Variants in PTPRS observed in about 807,000 individuals in gnomAD.
PTPRS encodes protein tyrosine phosphatase receptor type S.
Under a neutral mutation model 215.3 loss-of-function variants are expected in PTPRS, and 63 were observed. That is an observed-to-expected ratio of 0.29 (90% CI 0.24 to 0.36). The LOEUF (loss-of-function observed/expected upper bound fraction) is 0.36. Among genes scored for constraint, PTPRS ranks in the 10% least tolerant of loss-of-function variants. PTPRS has a pLI of 1.00. For missense variants in PTPRS, 2,258 were observed against 2,825.8 expected, an observed-to-expected ratio of 0.80 and a Z score of 4.56; for synonymous variants, 1,404 against 1,191.4, an observed-to-expected ratio of 1.18 and a Z score of -3.68.
intron 37 of PTPRS, among the ~76,000 whole-genome samples, chr19:5,207,666 T>G (rs1254728624): frequency 2.0e-5 from 3 of 152,162 alleles, no homozygotes; most frequent in African/African-American, 4.8e-5. Flanking sequence ...GCCACAGACT[T>G]GCTGTGACTT....
At chr19:5,256,403 A>G (rs1599733068) in intron 8 of PTPRS, among the ~76,000 whole-genome samples, 1 of 152,146 alleles carries the variant, frequency 6.6e-6, no homozygotes, top group East Asian at 1.9e-4. Flanking sequence ...TCTAAGACCC[A>G]GGCAAAGATG....
chr19:5,305,206 C>T (rs2049440387), intron 1 of PTPRS, among the ~76,000 whole-genome samples: 1 of 152,166 alleles, frequency 6.6e-6, no homozygotes, highest in Non-Finnish European at 1.5e-5. Context: ...GCTATTATTC[C>T]AGGCTTTTCC....
intron 10 of PTPRS, among the ~76,000 whole-genome samples, chr19:5,245,504 G>C (rs1369451510): frequency 6.6e-6 from 1 of 151,890 alleles, no homozygotes; most frequent in African/African-American, 2.4e-5. Flanking sequence ...TGTTGCCCAG[G>C]CTGGTCTCAA....
At chr19:5,288,132 C>T (rs2048519004) in intron 1 of PTPRS, among the ~76,000 whole-genome samples, 1 of 152,108 alleles carries the variant, frequency 6.6e-6, no homozygotes, top group African/African-American at 2.4e-5. Context: ...GCAGGCAGTA[C>T]ACATACACAG....
intron 1 of PTPRS, among the ~76,000 whole-genome samples, chr19:5,314,063 G>C (rs1286268156): frequency 6.6e-6 from 1 of 152,160 alleles, no homozygotes. Context: ...CTTGAGCCCA[G>C]GAGGTCGAGG....
chr19:5,256,194 G>T, intron 8 of PTPRS, 75 bp from the exon 9 acceptor site: 1 of 1,215,378 alleles, frequency 8.2e-7, no homozygotes, highest in Non-Finnish European at 1.1e-6. Context: ...GAGATACAGA[G>T]AGTAAAAAGA....
At position 5,212,163 on chromosome 19, in the gene PTPRS, G is replaced by A. The variant is rs769638584; in HGVS notation, c.4857C>T (p.Gly1619=). The change falls in exon 32 of 38, where the codon GGC becomes GGT. Residue 1619 remains glycine (G), a synonymous_variant. Transcript: ENST00000262963. ...GCTGGGACCTCATGAGCGTCACGTG[G>A]CCATAGACATCGACTGTCTTCTCTG... ...IKPEKTVDVY[G]HVTLMRSQRN... is the part of the protein sequence containing the mutation. 1.1e-5 allele frequency: 18 copies of A among 1,613,948 alleles called. No homozygotes were observed. The South Asian group carries it at 2.0e-4, about 18-fold the overall frequency.
intron 1 of PTPRS, among the ~76,000 whole-genome samples, chr19:5,340,171 G>A (rs1257800381): frequency 1.3e-5 from 2 of 151,296 alleles, no homozygotes; most frequent in African/African-American, 4.8e-5. Context: ...TCCGCTCCGG[G>A]GCGCCCGCAT....
At position 5,206,060 on chromosome 19, in the gene PTPRS, TAAAAAAAAAAAA is replaced by T. The variant is rs545658474; in HGVS notation, c.*702_*713del. ...CACACTTTCTGATGGTAGGAAAAAT[TAAAAAAAAAAAA>T]AAAAAAAAAAAAGCCAAGGTACAGC... On this transcript the variant is annotated 3_prime_UTR_variant, in exon 38 of 38. Transcript: ENST00000262963. Among the ~76,000 whole-genome samples, 6 of 70,258 alleles carry T rather than the reference TAAAAAAAAAAAA, an allele frequency of 8.5e-5. No homozygotes were observed. The highest frequency in any genetic ancestry group is 4.7e-4 in the South Asian group (1 of 2,108). The allele number at this position is 70,258 out of a possible 152,430, so 46.1% of individuals were successfully genotyped here.
At position 5,286,064 on chromosome 19, in the gene PTPRS, C is replaced by T. The variant is rs1157643989; in HGVS notation, c.77G>A (p.Gly26Asp). 3 of 1,613,810 alleles carry T rather than the reference C, an allele frequency of 1.9e-6. No individual in the cohort carries two copies. The Admixed American group carries it at 5.0e-5, about 27-fold the overall frequency. The change falls in exon 2 of 38, where the codon GGC becomes GAC. Residue 26 changes from glycine (G) to aspartate (D), a missense_variant. Physicochemically the swap from Gly to Asp is moderately conservative, Grantham distance 94 (BLOSUM62 -1). Coordinates refer to ENST00000262963, the MANE Select transcript of PTPRS (RefSeq NM_002850.4). ...MGLLVVLLVG[G>D]CAAEEPPRFI... The stretch of plus-strand genomic sequence containing the variant: ...CGGCTTCTTACCTTCTGCTGCACAG[C>T]CTCCAACGAGCAGGACCACAAGGAG...
At chr19:5,219,864 T>G (rs1204158019) in intron 22 of PTPRS, 75 bp downstream of exon 22, 1 of 1,510,136 alleles carries the variant, frequency 6.6e-7, no homozygotes, top group African/African-American at 1.4e-5. Flanking sequence ...ACCACAGAGG[T>G]CAGGGCCCTG....
chr19:5,208,074 GAGCAC>G lies in PTPRS; in HGVS notation c.5643-22_5643-18del. On this transcript the variant is annotated intron_variant, in intron 36 of 37. Transcript: ENST00000262963. Reference sequence around the variant, plus strand: ...ACGCCGGCACTGGTGGCAGTAAAGTGAGCACAGCCATTCAGGGGCAGGTGCTGGGG... The same window carrying G: ...ACGCCGGCACTGGTGGCAGTAAAGTGAGCCATTCAGGGGCAGGTGCTGGGG... 1 of 1,606,540 alleles carries G rather than the reference GAGCAC, an allele frequency of 6.2e-7. No homozygotes were observed. Among genetic ancestry groups the G allele is most frequent in the Middle Eastern group, 1.7e-4 (1 of 6,036 alleles).
At chr19:5,228,347 G>GAGA (rs2042696393) in intron 16 of PTPRS, among the ~76,000 whole-genome samples, 1 of 105,866 alleles carries the variant, frequency 9.4e-6, no homozygotes, top group Non-Finnish European at 1.8e-5. Context: ...TCCGTCTGGA[G>GAGA]AAAAAAAAAA....
At chr19:5,225,345 G>A (rs2145489149) in intron 17 of PTPRS, among the ~76,000 whole-genome samples, 1 of 152,276 alleles carries the variant, frequency 6.6e-6, no homozygotes, top group Admixed American at 6.5e-5. Context: ...ATCAGGGAAG[G>A]CTTTCCAGGG....
At chr19:5,218,969 C>G in intron 23 of PTPRS, 171 bp from the exon 24 acceptor site, 1 of 715,964 alleles carries the variant, frequency 1.4e-6, no homozygotes. Context: ...CCCTGCCTAT[C>G]GACACCACAA....
At chr19:5,248,151 G>A (rs1452272081) in intron 9 of PTPRS, among the ~76,000 whole-genome samples, 1 of 152,044 alleles carries the variant, frequency 6.6e-6, no homozygotes, top group African/African-American at 2.4e-5. Context: ...CCCACAGCGA[G>A]GCACAGGTAA....
chr19:5,314,176 T>C (rs2147172627), intron 1 of PTPRS, among the ~76,000 whole-genome samples: 1 of 152,224 alleles, frequency 6.6e-6, no homozygotes, highest in East Asian at 1.9e-4. Flanking sequence ...CTGAGTTCAG[T>C]GCCAGTCTCT....
intron 9 of PTPRS, among the ~76,000 whole-genome samples, chr19:5,253,679 G>A (rs1024154104): frequency 1.3e-5 from 2 of 152,192 alleles, no homozygotes; most frequent in Non-Finnish European, 2.9e-5. Flanking sequence ...AATGAGGTCT[G>A]AGCAAATGAA....
At chr19:5,307,504 A>G (rs1020311649) in intron 1 of PTPRS, among the ~76,000 whole-genome samples, 16 of 152,176 alleles carry the variant, frequency 1.1e-4, no homozygotes, top group Non-Finnish European at 1.5e-5. Context: ...TTAAGATACT[A>G]TATTTTTAAG....
Sources: gnomAD v4.1 joint callset for allele counts (sites outside exome capture counted in the v4.1 genomes callset) on GRCh38, gnomAD v4.1.1 for gene constraint, MANE v1.5 for transcripts, NCBI Gene and HGNC (gene_info 2026-07-23, HGNC 2026-07-21) for gene names.